Variants in OAS2 observed in about 807,000 individuals in gnomAD.
The protein encoded by OAS2 is 2'-5'-oligoadenylate synthase 2.
A neutral mutation model predicts 71.3 loss-of-function variants in OAS2; 67 were observed. That is an observed-to-expected ratio of 0.94 (90% CI 0.77 to 1.15). The LOEUF (loss-of-function observed/expected upper bound fraction) is 1.15. Among genes scored for constraint, OAS2 ranks in the 50% most tolerant of loss-of-function variants. The probability of loss-of-function intolerance (pLI) is 0.00; values close to 1 mark genes in which losing one functional copy is unlikely to be tolerated. For synonymous variants in OAS2, 327 were observed against 321.8 expected (o/e 1.02, Z -0.17); for missense variants, 789 against 822.5 (o/e 0.96, Z 0.50).
At position 113,009,509 on chromosome 12, in the gene OAS2, C is replaced by T. The variant is rs545904698; in HGVS notation, c.*254C>T. Reference sequence around the variant, plus strand: ...GCCACTAGCCCTCCTCTCCCAGTGACAACCAAAAGTCTTCAGACATTGTCA... The same window carrying T: ...GCCACTAGCCCTCCTCTCCCAGTGATAACCAAAAGTCTTCAGACATTGTCA... On this transcript the variant is annotated 3_prime_UTR_variant, in exon 10 of 10. Coordinates refer to ENST00000392583, the MANE Select transcript of OAS2 (RefSeq NM_002535.3). The T allele has an allele frequency of 7.7e-5, 91 of 1,178,602 alleles. 1 individual carries two copies. In the South Asian group the frequency reaches 1.3e-3, roughly 17 times the overall value. The allele number at this position is 1,178,602 out of a possible 1,614,324, so 73.0% of individuals were successfully genotyped here. A position where few individuals can be genotyped will look rare whatever the true frequency, so the allele number is the denominator to read the frequency against.
chr12:112,979,706 A>G (rs1486201418), intron 1 of OAS2, among the ~76,000 whole-genome samples: 1 of 152,162 alleles, frequency 6.6e-6, no homozygotes, highest in Non-Finnish European at 1.5e-5. Flanking sequence ...GTAACTGTGT[A>G]ACCCCCACCC....
chr12:112,987,890 C>G (rs1489499263), intron 2 of OAS2: 1 of 985,640 alleles, frequency 1.0e-6, no homozygotes, highest in Non-Finnish European at 1.2e-6. Context: ...CTGCCCACCT[C>G]TTGTGTCTCC....
At position 112,998,425 on chromosome 12, in the gene OAS2, C is replaced by G. The variant is rs758423590; in HGVS notation, c.1008+15C>G. 3 of 1,604,432 alleles carry G rather than the reference C, an allele frequency of 1.9e-6. No homozygotes were observed. Among genetic ancestry groups the G allele is most frequent in the Non-Finnish European group, 2.5e-6 (3 of 1,177,240 alleles). ...GGAATGTTCTGGTAAGAGGGTTTTCCAAATACAGGGTGTTTCATGCTGCAG... is the reference window on the plus strand; with the variant it reads ...GGAATGTTCTGGTAAGAGGGTTTTCGAAATACAGGGTGTTTCATGCTGCAG... On this transcript the variant is annotated intron_variant, in intron 5 of 9. Coordinates refer to ENST00000392583, the MANE Select transcript of OAS2 (RefSeq NM_002535.3).
chr12:112,998,870 A>G (rs1244946972), intron 5 of OAS2, among the ~76,000 whole-genome samples: 1 of 152,198 alleles, frequency 6.6e-6, no homozygotes, highest in Non-Finnish European at 1.5e-5. Flanking sequence ...TCCCATTTGA[A>G]AAGACACTAT....
rs957060826 is a variant in OAS2 at position 112,987,689 on chromosome 12, G to A, written c.448+381G>A. 7.5e-6 allele frequency: 8 copies of A among 1,072,168 alleles called. No homozygotes were observed. The East Asian group carries it at 1.9e-4, about 26-fold the overall frequency. The allele number at this position is 1,072,168 out of a possible 1,614,324, so 66.4% of individuals were successfully genotyped here. A position where few individuals can be genotyped will look rare whatever the true frequency, so the allele number is the denominator to read the frequency against. ...GATGAGCTGCTGGTCCGCAGATCAT[G>A]CTTGCAGGTTTTGACCAGAGTCAGT... On this transcript the variant is annotated intron_variant, in intron 2 of 9. Transcript: ENST00000392583.
At chr12:112,995,180 G>C in intron 2 of OAS2, 116 bp from the exon 3 acceptor site, 3 of 888,020 alleles carry the variant, frequency 3.4e-6, no homozygotes, top group Non-Finnish European at 5.2e-6. Flanking sequence ...TCCTCTGACC[G>C]ATTAAGCAAG....
In OAS2 at chr12:113,009,670, G is replaced by A. The variant is rs1592821522; in HGVS notation, c.*415G>A. On this transcript the variant is annotated 3_prime_UTR_variant, in exon 10 of 10. Coordinates refer to ENST00000392583, the MANE Select transcript of OAS2 (RefSeq NM_002535.3). The stretch of plus-strand genomic sequence containing the variant: ...GGCAGGTTTGCAATCCAAGCAGGAA[G>A]AAGGAAAAGATACCCAAAGGTCAAG... 3 of 990,486 alleles carry A rather than the reference G, an allele frequency of 3.0e-6. No individual in the cohort carries two copies. In the South Asian group the frequency reaches 1.4e-4, roughly 46 times the overall value. 61.4% of individuals were successfully genotyped at this position (990,486 alleles called of 1,614,324 possible).
At chr12:112,981,777 G>T (rs1459964625) in intron 1 of OAS2, among the ~76,000 whole-genome samples, 1 of 152,004 alleles carries the variant, frequency 6.6e-6, no homozygotes, top group Admixed American at 6.6e-5. Context: ...TATAAGGATT[G>T]CATTGATTCT....
At chr12:113,001,521 C>T (rs915850542) in intron 5 of OAS2, among the ~76,000 whole-genome samples, 2 of 148,906 alleles carry the variant, frequency 1.3e-5, no homozygotes, top group Non-Finnish European at 3.0e-5. Context: ...TATATATATA[C>T]ACATATATAT....
Position 113,006,406 on chromosome 12 carries a change from AT to A in OAS2, c.1469-6del. ...AAAGCAGGATGTCAATCTCTCCCTC[AT>A]GCCAGGTCAGCTGAGTTCTGGCTCC... On this transcript the variant is annotated splice_polypyrimidine_tract_variant and splice_region_variant and intron_variant, in intron 7 of 9. Transcript: ENST00000392583. The A allele has an allele frequency of 6.5e-7, 1 of 1,537,220 alleles. No homozygotes were observed.
At chr12:112,986,891 C>G in intron 1 of OAS2, 147 bp from the exon 2 acceptor site, 1 of 1,036,458 alleles carries the variant, frequency 9.6e-7, no homozygotes, top group Non-Finnish European at 1.4e-6. Flanking sequence ...GCATCCCAAT[C>G]AGGTCTTTGT....
At chr12:113,000,635 G>C (rs1008822258) in intron 5 of OAS2, among the ~76,000 whole-genome samples, 2 of 139,632 alleles carry the variant, frequency 1.4e-5, no homozygotes, top group African/African-American at 5.5e-5. Context: ...ATGCACACAC[G>C]TACTCACACC....
intron 1 of OAS2, among the ~76,000 whole-genome samples, chr12:112,981,702 T>C (rs2044084527): frequency 6.6e-6 from 1 of 152,218 alleles, no homozygotes; most frequent in Admixed American, 6.5e-5. Flanking sequence ...TGAGATCTTT[T>C]GTGTTTCCAT....
rs774846571 is a variant in OAS2, at chr12:113,011,657, C to T, written c.*2402C>T. ...CTGGGCCCTTCCAGTGCTTGCCACC[C>T]TACATACTCTTTGTCTGGCTCTTCA... On this transcript the variant is annotated 3_prime_UTR_variant, in exon 10 of 10. Coordinates refer to ENST00000392583, the MANE Select transcript of OAS2 (RefSeq NM_002535.3). The T allele has an allele frequency of 4.6e-5, 7 of 152,168 alleles. No homozygotes were observed. Among genetic ancestry groups the T allele is most frequent in the Non-Finnish European group, 1.0e-4 (7 of 68,036 alleles). 9.4% of individuals were successfully genotyped at this position (152,168 alleles called of 1,614,324 possible). A position where few individuals can be genotyped will look rare whatever the true frequency, so the allele number is the denominator to read the frequency against.
At chr12:112,988,140 T>C in intron 2 of OAS2, 6 of 985,156 alleles carry the variant, frequency 6.1e-6, no homozygotes, top group Non-Finnish European at 7.2e-6. Flanking sequence ...GCCTACAAAA[T>C]GTCCAGGTGT....
rs367602350 is a variant in OAS2, at chr12:112,987,154, C to T, written c.294C>T (p.Leu98=). ...QDQKRSQRDI[L]DKTGDKLKFC... ...AGAAGAGAAGCCAACGTGACATCCT[C>T]GATAAAACTGGGGATAAGCTGAAGT... The change falls in exon 2 of 10, where the codon CTC becomes CTT. Residue 98 remains leucine (L), a synonymous_variant. Transcript: ENST00000392583. The T allele has an allele frequency of 1.4e-5, 23 of 1,613,982 alleles. No homozygotes were observed. The highest frequency in any genetic ancestry group is 1.9e-5 in the Non-Finnish European group (22 of 1,180,004).
rs1401251473 is a variant in OAS2, at chr12:113,003,077, C to A, written c.1154C>A (p.Ser385Ter). Residue 385 changes from serine (S) to a stop codon, truncating the protein, a stop_gained, in exon 6 of 10, where the codon TCA becomes TAA. Transcript: ENST00000392583. LOFTEE classifies it high-confidence loss of function. The part of the protein sequence containing the change: ...TFLKENCFRQ[S>*]TAKIQIVRGG... ...CTTAAAGAAAACTGCTTCCGACAAT[C>A]AACAGCCAAGATCCAGATTGTCCGG... The A allele has an allele frequency of 1.9e-6, 3 of 1,614,044 alleles. No individual in the cohort carries two copies. In the East Asian group the frequency reaches 6.7e-5, roughly 36 times the overall value.
At chr12:113,008,143 G>A (rs1229410755) in intron 9 of OAS2, among the ~76,000 whole-genome samples, 200 bp downstream of exon 9, 1 of 152,138 alleles carries the variant, frequency 6.6e-6, no homozygotes, top group Admixed American at 6.5e-5. Context: ...AAATAGAGAA[G>A]GAAGGTTCAA....
At chr12:112,993,713 CA>C (rs918430127) in intron 2 of OAS2, among the ~76,000 whole-genome samples, 2 of 148,872 alleles carry the variant, frequency 1.3e-5, no homozygotes, top group South Asian at 2.1e-4. Flanking sequence ...TTTTTTTCTC[CA>C]AAAAAAAAGC....
Sources: gnomAD v4.1 joint callset for allele counts (sites outside exome capture counted in the v4.1 genomes callset) on GRCh38, gnomAD v4.1.1 for gene constraint, MANE v1.5 for transcripts, NCBI Gene and HGNC (gene_info 2026-07-23, HGNC 2026-07-21) for gene names.